PKD2L1: variants seen among roughly 807,000 people sequenced by gnomAD.
PKD2L1 encodes the protein polycystin-2-like protein 1.
Under a neutral mutation model 93.0 loss-of-function variants are expected in PKD2L1, and 77 were observed. That is an observed-to-expected ratio of 0.83 (90% CI 0.69 to 1.00). PKD2L1 has a LOEUF of 1.00. Among genes scored for constraint, PKD2L1 ranks in the 50% least tolerant of loss-of-function variants. PKD2L1 has a pLI of 0.00. For synonymous variants in PKD2L1, 390 were observed against 388.0 expected (o/e 1.01, Z -0.06); for missense variants, 977 against 990.9 (o/e 0.99, Z 0.19).
At chr10:100,288,910 G>A in intron 15 of PKD2L1, 62 bp downstream of exon 15, 1 of 1,049,886 alleles carries the variant, frequency 9.5e-7, no homozygotes, top group Non-Finnish European at 1.4e-6. Context: ...GTGGCGAGGG[G>A]GCCTGTGCGG....
chr10:100,327,089 G>A (rs903713268), intron 2 of PKD2L1, among the ~76,000 whole-genome samples: 4 of 152,184 alleles, frequency 2.6e-5, no homozygotes, highest in Non-Finnish European at 5.9e-5. Context: ...AAAGGCCCAA[G>A]TGTCTGTTAT....
At position 100,305,761 on chromosome 10, in the gene PKD2L1, A is replaced by G. The variant is rs150185015; in HGVS notation, c.350-6043T>C. On this transcript the variant is annotated intron_variant, in intron 2 of 15. Coordinates refer to ENST00000318222, the MANE Select transcript of PKD2L1 (RefSeq NM_016112.3). ...GCTGCAGGAATCTGAATCTAAAAGC[A>G]GGGCAGAGGAAGCCCAGGGTTGTAC... Among the ~76,000 whole-genome samples, 110 of 152,300 alleles carry G rather than the reference A, an allele frequency of 7.2e-4. 1 individual carries two copies. The highest frequency in any genetic ancestry group is 2.6e-3 in the African/African-American group (106 of 41,568).
chr10:100,289,876 A>G (rs1848365481), intron 14 of PKD2L1, 139 bp downstream of exon 14: 3 of 1,029,452 alleles, frequency 2.9e-6, no homozygotes, highest in Non-Finnish European at 4.4e-6. Context: ...CTGCTGATAC[A>G]CTAACCGCTA....
chr10:100,306,284 G>A (rs1057354077), intron 2 of PKD2L1, among the ~76,000 whole-genome samples: 4 of 152,202 alleles, frequency 2.6e-5, no homozygotes, highest in African/African-American at 9.7e-5. Context: ...AATCAGACAA[G>A]CAATCAGTCC....
At chr10:100,296,383 G>C in intron 6 of PKD2L1, 91 bp from the exon 7 acceptor site, 1 of 1,071,228 alleles carries the variant, frequency 9.3e-7, no homozygotes, top group Non-Finnish European at 1.3e-6. Context: ...GTCAGGGTAG[G>C]TAAGACAGGT....
intron 2 of PKD2L1, 103 bp from the exon 3 acceptor site, chr10:100,299,821 A>C: frequency 9.6e-7 from 1 of 1,036,748 alleles, no homozygotes; most frequent in South Asian, 1.4e-5. Flanking sequence ...ATGGAAGCCC[A>C]TCCCCCATCT....
intron 9 of PKD2L1, 50 bp downstream of exon 9, chr10:100,294,485 A>G (rs887992286): frequency 6.2e-7 from 1 of 1,609,590 alleles, no homozygotes; most frequent in African/African-American, 1.3e-5. Context: ...TAGGACCAAA[A>G]CTCCACCCTG....
At position 100,297,505 on chromosome 10, in the gene PKD2L1, C is replaced by T. The variant is rs17112895; in HGVS notation, c.833G>A (p.Arg278Gln). The T allele has an allele frequency of 8.6e-3, 13,893 of 1,614,064 alleles. 960 individuals carry two copies. In the African/African-American group the frequency reaches 0.15, roughly 18 times the overall value. Reference sequence around the variant, plus strand: ...CCGGAGAGCCTCTGCACTACCCTGTCGGGATCCTGGAAGGTCCAGGTAGTA... The same window carrying T: ...CCGGAGAGCCTCTGCACTACCCTGTTGGGATCCTGGAAGGTCCAGGTAGTA... The part of the protein sequence containing the change: ...GGYYLDLPGS[R>Q]QGSAEALRAL... Residue 278 changes from arginine to glutamine, a missense_variant, in exon 5 of 16, where the codon CGA (arginine) becomes CAA (glutamine). Physicochemically the swap from Arg to Gln is conservative, Grantham distance 43. Transcript: ENST00000318222.
In PKD2L1 at chr10:100,288,487, G is replaced by A. The variant is rs1848327817; in HGVS notation, c.2336-9C>T. 1 of 1,551,034 alleles carries A rather than the reference G, an allele frequency of 6.4e-7. No individual in the cohort carries two copies. Among genetic ancestry groups the A allele is most frequent in the Non-Finnish European group, 8.9e-7 (1 of 1,122,830 alleles). Reference sequence around the variant, plus strand: ...TCTTTTATAGGGAACCTCTGTGGGGGAAAACGAGAAACCCATGGGTGCTAG... The same window carrying A: ...TCTTTTATAGGGAACCTCTGTGGGGAAAAACGAGAAACCCATGGGTGCTAG... On this transcript the variant is annotated splice_polypyrimidine_tract_variant and intron_variant, in intron 15 of 15. Transcript: ENST00000318222.
chr10:100,322,266 C>T lies in PKD2L1; in HGVS notation c.349+6945G>A, dbSNP rs116914332. 1.4e-3 allele frequency among the ~76,000 whole-genome samples: 213 copies of T among 152,106 alleles called. 5 individuals carry two copies. In the East Asian group the frequency reaches 0.037, roughly 27 times the overall value. On this transcript the variant is annotated intron_variant, in intron 2 of 15. Coordinates refer to ENST00000318222, the MANE Select transcript of PKD2L1 (RefSeq NM_016112.3). ...AAAACAAAAACTACGGTGGCTCACGCCTGTAATCCCAACATTTTGGGAGGC... is the reference window on the plus strand; with the variant it reads ...AAAACAAAAACTACGGTGGCTCACGTCTGTAATCCCAACATTTTGGGAGGC...
rs759333104 is a variant in PKD2L1 at position 100,297,227 on chromosome 10, A to T, written c.957-19T>A. The T allele has an allele frequency of 1.1e-5, 18 of 1,607,610 alleles. 1 individual carries two copies. In the South Asian group the frequency reaches 2.0e-4, roughly 18 times the overall value. ...CACCAGCCTATAGGGGGAGGGGGAGATGACCTCCAGTGGAGCCTTCGCTGG... is the reference window on the plus strand; with the variant it reads ...CACCAGCCTATAGGGGGAGGGGGAGTTGACCTCCAGTGGAGCCTTCGCTGG... On this transcript the variant is annotated intron_variant, in intron 5 of 15. Transcript: ENST00000318222.
chr10:100,297,689 A>G (rs560211443), intron 4 of PKD2L1, 83 bp from the exon 5 acceptor site: 1 of 902,462 alleles, frequency 1.1e-6, no homozygotes. Context: ...TCTGGGCTTT[A>G]CAGGTTTACA....
At chr10:100,304,235 C>G (rs1488862445) in intron 2 of PKD2L1, among the ~76,000 whole-genome samples, 1 of 152,194 alleles carries the variant, frequency 6.6e-6, no homozygotes, top group African/African-American at 2.4e-5. Flanking sequence ...CATACAAACA[C>G]TCTTTCTCCC....
chr10:100,292,508 A>G (rs199724439), intron 11 of PKD2L1, among the ~76,000 whole-genome samples: 1 of 151,742 alleles, frequency 6.6e-6, no homozygotes, highest in Admixed American at 6.6e-5. Flanking sequence ...AAAAAAAAAA[A>G]TTATGTTGTC....
At chr10:100,306,855 C>CAAAAAAAAAA (rs61413476) in intron 2 of PKD2L1, among the ~76,000 whole-genome samples, 949 of 49,758 alleles carry the variant, frequency 0.019, 129 homozygotes, top group African/African-American at 0.087. Flanking sequence ...GAGACCCTGT[C>CAAAAAAAAAA]AAAAAAAAAA....
At chr10:100,329,157 G>C in intron 2 of PKD2L1, 54 bp downstream of exon 2, 1 of 1,551,210 alleles carries the variant, frequency 6.4e-7, no homozygotes, top group Admixed American at 1.7e-5. Context: ...TACATATAGT[G>C]CACACATAGA....
chr10:100,314,962 A>G (rs61871347), intron 2 of PKD2L1, among the ~76,000 whole-genome samples: 593 of 32,856 alleles, frequency 0.018, 63 homozygotes, highest in Admixed American at 0.028. Flanking sequence ...AAAGAAAGAA[A>G]GAAGGAAGGA....
intron 2 of PKD2L1, among the ~76,000 whole-genome samples, chr10:100,302,974 T>C (rs1286598078): frequency 2.6e-5 from 4 of 152,164 alleles, no homozygotes; most frequent in Non-Finnish European, 5.9e-5. Flanking sequence ...AAGGGCATTA[T>C]GTCTATAATT....
intron 2 of PKD2L1, among the ~76,000 whole-genome samples, chr10:100,305,340 C>T (rs1848775229): frequency 6.6e-6 from 1 of 152,148 alleles, no homozygotes; most frequent in African/African-American, 2.4e-5. Context: ...TCTCGAACTC[C>T]TGACCTCAAA....
Sources: gnomAD v4.1 joint callset for allele counts (sites outside exome capture counted in the v4.1 genomes callset) on GRCh38, gnomAD v4.1.1 for gene constraint, MANE v1.5 for transcripts, NCBI Gene and HGNC (gene_info 2026-07-23, HGNC 2026-07-21) for gene names.